SORCS1: variants seen among roughly 807,000 people sequenced by gnomAD.
SORCS1 encodes VPS10 domain-containing receptor SorCS1.
A neutral mutation model predicts 146.1 loss-of-function variants in SORCS1; 60 were observed. That is an observed-to-expected ratio of 0.41 (90% CI 0.33 to 0.51). The LOEUF (loss-of-function observed/expected upper bound fraction) is 0.51, where lower values mean the gene tolerates loss of function less well. Among genes scored for constraint, SORCS1 ranks in the 20% least tolerant of loss-of-function variants. The pLI is 0.21. For synonymous variants in SORCS1, 637 were observed against 584.0 expected, an observed-to-expected ratio of 1.09 and a Z score of -1.31; for missense variants, 1,352 against 1,487.6, an observed-to-expected ratio of 0.91 and a Z score of 1.50.
At position 107,059,316 on chromosome 10, in the gene SORCS1, A is replaced by T. The variant is rs547078203; in HGVS notation, c.559-102736T>A. ...TTCAGCAACAGTGACAAATGCAAGC[A>T]TTCTAGTTTCGCTGAAACTGTGACA... On this transcript the variant is annotated intron_variant, in intron 1 of 25. Coordinates refer to ENST00000263054, the MANE Select transcript of SORCS1 (RefSeq NM_052918.5). Among the ~76,000 whole-genome samples the T allele has an allele frequency of 3.3e-5, 5 of 152,374 alleles. No individual in the cohort carries two copies. The South Asian group carries it at 8.3e-4, about 25-fold the overall frequency.
At chr10:106,634,607 G>A (rs1258980261) in intron 18 of SORCS1, among the ~76,000 whole-genome samples, 1 of 152,182 alleles carries the variant, frequency 6.6e-6, no homozygotes, top group African/African-American at 2.4e-5. Flanking sequence ...CCAAGAGGAA[G>A]GTGGTAACAA....
intron 3 of SORCS1, among the ~76,000 whole-genome samples, chr10:106,819,646 G>T (rs1947917478): frequency 6.6e-6 from 1 of 152,122 alleles, no homozygotes; most frequent in African/African-American, 2.4e-5. Flanking sequence ...CAGGGGAGCT[G>T]GAGAACCTAG....
chr10:107,145,497 C>G (rs1968247763), intron 1 of SORCS1, among the ~76,000 whole-genome samples: 1 of 152,154 alleles, frequency 6.6e-6, no homozygotes, highest in Non-Finnish European at 1.5e-5. Context: ...CTCTAAATCA[C>G]TGTGCAGGAA....
chr10:106,603,776 A>T (rs1846396072), intron 23 of SORCS1, among the ~76,000 whole-genome samples: 1 of 152,156 alleles, frequency 6.6e-6, no homozygotes, highest in Admixed American at 6.5e-5. Context: ...AAATTTCTGT[A>T]TAATTTATGA....
At chr10:106,791,792 C>T (rs999942809) in intron 3 of SORCS1, among the ~76,000 whole-genome samples, 1 of 152,132 alleles carries the variant, frequency 6.6e-6, no homozygotes, top group African/African-American at 2.4e-5. Flanking sequence ...ACTGGAAGTG[C>T]CTATCGCAAC....
intron 1 of SORCS1, among the ~76,000 whole-genome samples, chr10:106,968,377 T>C (rs540834687): frequency 1.6e-3 from 251 of 152,342 alleles, no homozygotes; most frequent in African/African-American, 5.4e-3. Flanking sequence ...TCTGTCTGAA[T>C]TATAGACACT....
chr10:106,952,566 A>ATTATACTATG (rs1000352251), intron 2 of SORCS1, among the ~76,000 whole-genome samples: 3 of 147,850 alleles, frequency 2.0e-5, no homozygotes, highest in East Asian at 1.9e-4. Context: ...ATTATATTAT[A>ATTATACTATG]TTATATTATA....
At chr10:107,124,015 A>G (rs1418293171) in intron 1 of SORCS1, among the ~76,000 whole-genome samples, 1 of 150,240 alleles carries the variant, frequency 6.7e-6, no homozygotes, top group Non-Finnish European at 1.5e-5. Flanking sequence ...TGAACCTGGG[A>G]GGCGGAGCTT....
rs7096098 is a variant in SORCS1 at position 107,080,507 on chromosome 10, T to A, written c.558+83462A>T. 6.5e-3 allele frequency among the ~76,000 whole-genome samples: 992 copies of A among 152,276 alleles called. 15 individuals are homozygous for A. The highest frequency in any genetic ancestry group is 0.023 in the African/African-American group (938 of 41,548). On this transcript the variant is annotated intron_variant, in intron 1 of 25. Transcript: ENST00000263054. ...AACCACTCACAAACTCTTCCCTGAG[T>A]CGCGTGTGGTCTGGTAACAACATAT...
chr10:106,967,113 C>CA (rs34653353), intron 1 of SORCS1, among the ~76,000 whole-genome samples: 79,051 of 144,302 alleles, frequency 0.55, 21,661 homozygotes, highest in African/African-American at 0.56. Flanking sequence ...GCTATCCACT[C>CA]AAAAAAAAAA....
chr10:107,068,519 A>G (rs74154843), intron 1 of SORCS1, among the ~76,000 whole-genome samples: 4,217 of 152,266 alleles, frequency 0.028, 166 homozygotes, highest in African/African-American at 0.095. Context: ...GCATTACTTC[A>G]GGCATAAGTC....
At chr10:106,879,660 G>A (rs546444930) in intron 2 of SORCS1, among the ~76,000 whole-genome samples, 1 of 152,344 alleles carries the variant, frequency 6.6e-6, no homozygotes, top group Non-Finnish European at 1.5e-5. Flanking sequence ...GATTTAAAGT[G>A]TGAGAAGGAC....
chr10:106,758,238 G>A (rs907465152), intron 5 of SORCS1, among the ~76,000 whole-genome samples: 3 of 152,158 alleles, frequency 2.0e-5, no homozygotes, highest in Admixed American at 6.5e-5. Context: ...CGGAAGCAGT[G>A]GTGAGGTCTG....
At chr10:106,998,346 T>C (rs1418085070) in intron 1 of SORCS1, among the ~76,000 whole-genome samples, 2 of 152,254 alleles carry the variant, frequency 1.3e-5, no homozygotes, top group Non-Finnish European at 2.9e-5. Flanking sequence ...TCATTCACGA[T>C]GGCCTTTCTT....
At chr10:106,621,113 TAA>T (rs1032618614) in intron 19 of SORCS1, among the ~76,000 whole-genome samples, 1 of 152,194 alleles carries the variant, frequency 6.6e-6, no homozygotes, top group Non-Finnish European at 1.5e-5. Flanking sequence ...GGGGTTGAAT[TAA>T]GTTAATTCAG....
rs34645920 is a variant in SORCS1 at position 107,101,749 on chromosome 10, ATGTGTGTGTG to A, written c.558+62210_558+62219del. On this transcript the variant is annotated intron_variant, in intron 1 of 25. Coordinates refer to ENST00000263054, the MANE Select transcript of SORCS1 (RefSeq NM_052918.5). Reference sequence around the variant, plus strand: ...GAAACAAATCTTCCATGGGCTAATTATGTGTGTGTGTGTGTGTGTGTGTGTGTGTGTTTCT... The same window carrying A: ...GAAACAAATCTTCCATGGGCTAATTATGTGTGTGTGTGTGTGTGTGTTTCT... Among the ~76,000 whole-genome samples, 23 of 147,346 alleles carry A rather than the reference ATGTGTGTGTG, an allele frequency of 1.6e-4. No individual in the cohort carries two copies. In the East Asian group the frequency reaches 1.6e-3, roughly 10 times the overall value.
intron 2 of SORCS1, among the ~76,000 whole-genome samples, chr10:106,835,137 GTTA>G (rs753414054): frequency 2.6e-5 from 4 of 152,138 alleles, no homozygotes; most frequent in African/African-American, 7.2e-5. Context: ...CTTCCAAGAG[GTTA>G]TTATCTTTTT....
rs767258894 is a variant in SORCS1, at chr10:106,726,441, C to A, written c.1024+3609G>T. Among the ~76,000 whole-genome samples, 4 of 147,908 alleles carry A rather than the reference C, an allele frequency of 2.7e-5. No individual in the cohort carries two copies. In the Admixed American group the frequency reaches 2.7e-4, roughly 10 times the overall value. On this transcript the variant is annotated intron_variant, in intron 6 of 25. Coordinates refer to ENST00000263054, the MANE Select transcript of SORCS1 (RefSeq NM_052918.5). ...CATTTCATGCTTTGTGAAAGCTAAGCCTGAGATGACAGTTTGGCATTATCA... is the reference window on the plus strand; with the variant it reads ...CATTTCATGCTTTGTGAAAGCTAAGACTGAGATGACAGTTTGGCATTATCA...
At chr10:107,083,140 A>T (rs1488755941) in intron 1 of SORCS1, among the ~76,000 whole-genome samples, 2 of 151,462 alleles carry the variant, frequency 1.3e-5, no homozygotes, top group African/African-American at 4.8e-5. Flanking sequence ...AAGAAAGTCA[A>T]CTGCTTGAAT....
Sources: allele counts gnomAD v4.1 joint callset (sites outside exome capture counted in the v4.1 genomes callset), GRCh38; gene constraint gnomAD v4.1.1; transcripts MANE v1.5; gene names NCBI Gene and HGNC (gene_info 2026-07-23, HGNC 2026-07-21).